Variants in FBXW10B observed in about 807,000 individuals in gnomAD.
The protein encoded by FBXW10B is F-box and WD repeat domain containing 10B.
At chr17:15,589,148 G>C in the FBXW10B span, 7 of 1,612,022 alleles carry the variant, frequency 4.3e-6, no homozygotes, top group Non-Finnish European at 5.9e-6. Flanking sequence ...TTTCCTCCCT[G>C]AGCTGTAGCA....
the FBXW10B span, among the ~76,000 whole-genome samples, chr17:15,612,111 T>C: frequency 3.9e-5 from 6 of 152,074 alleles, no homozygotes; most frequent in African/African-American, 7.2e-5. Context: ...CCTGGTGCCA[T>C]GGACACAAAA....
the FBXW10B span, chr17:15,614,006 C>T: frequency 1.2e-6 from 2 of 1,608,648 alleles, no homozygotes; most frequent in Non-Finnish European, 1.7e-6. Context: ...TTCGGATATA[C>T]ACCGGAGTGA....
the FBXW10B span, among the ~76,000 whole-genome samples, chr17:15,584,182 A>T: frequency 6.6e-6 from 1 of 152,216 alleles, no homozygotes; most frequent in African/African-American, 2.4e-5. Flanking sequence ...TTTGATTTTT[A>T]AAAATGGAAA....
At chr17:15,595,171 C>T in the FBXW10B span, among the ~76,000 whole-genome samples, 2 of 152,134 alleles carry the variant, frequency 1.3e-5, no homozygotes, top group East Asian at 1.9e-4. Flanking sequence ...GACACCCTGT[C>T]TCTACTAAAA....
the FBXW10B span, among the ~76,000 whole-genome samples, chr17:15,603,843 C>T: frequency 2.3e-3 from 339 of 148,492 alleles, 7 homozygotes; most frequent in African/African-American, 6.4e-3. Context: ...GAGGCCGAGG[C>T]GGGTGGATCA....
At chr17:15,599,524 T>C in the FBXW10B span, among the ~76,000 whole-genome samples, 1 of 143,036 alleles carries the variant, frequency 7.0e-6, no homozygotes, top group Non-Finnish European at 1.5e-5. Flanking sequence ...AGGTGGTTTT[T>C]AGATAGAAGC....
At chr17:15,607,862 G>A in the FBXW10B span, among the ~76,000 whole-genome samples, 1 of 141,274 alleles carries the variant, frequency 7.1e-6, no homozygotes, top group African/African-American at 2.6e-5. Context: ...GAAACCATGA[G>A]TTAGAAAATG....
chr17:15,614,334 G>A, the FBXW10B span, among the ~76,000 whole-genome samples: 1 of 151,212 alleles, frequency 6.6e-6, no homozygotes, highest in East Asian at 1.9e-4. Flanking sequence ...GACTACAGGC[G>A]CCCGCCACCA....
At chr17:15,598,520 C>T in the FBXW10B span, 7 of 1,613,636 alleles carry the variant, frequency 4.3e-6, no homozygotes, top group Admixed American at 1.7e-5. Context: ...ATTTAAGGCA[C>T]TTCTTTCTCA....
At chr17:15,588,093 T>G in the FBXW10B span, among the ~76,000 whole-genome samples, 1 of 152,250 alleles carries the variant, frequency 6.6e-6, no homozygotes, top group African/African-American at 2.4e-5. Context: ...AGAAACAGGC[T>G]TATAATAATC....
the FBXW10B span, among the ~76,000 whole-genome samples, chr17:15,596,303 A>G: frequency 6.6e-6 from 1 of 152,060 alleles, no homozygotes. Flanking sequence ...CAACCCCATG[A>G]TACTGTGGGT....
At chr17:15,602,514 C>G in the FBXW10B span, among the ~76,000 whole-genome samples, 1 of 149,316 alleles carries the variant, frequency 6.7e-6, no homozygotes, top group Non-Finnish European at 1.5e-5. Context: ...TAGAAAATAT[C>G]TCTGTGACCT....
chr17:15,599,173 CAAAA>C, the FBXW10B span, among the ~76,000 whole-genome samples: 2 of 69,224 alleles, frequency 2.9e-5, no homozygotes, highest in Non-Finnish European at 2.9e-5. Flanking sequence ...GACTCTGTCT[CAAAA>C]AAAAAAAAAA....
chr17:15,580,562 T>C, the FBXW10B span, among the ~76,000 whole-genome samples: 1 of 91,470 alleles, frequency 1.1e-5, no homozygotes, highest in Non-Finnish European at 2.9e-5. Flanking sequence ...CATGTCTTTA[T>C]AAGTCTGACA....
the FBXW10B span, chr17:15,598,383 G>A: frequency 5.0e-6 from 6 of 1,197,634 alleles, no homozygotes; most frequent in African/African-American, 1.2e-4. Context: ...ATGGAAGGAA[G>A]GAAGGATGGG....
At chr17:15,567,588 G>A in the FBXW10B span, among the ~76,000 whole-genome samples, 1 of 152,106 alleles carries the variant, frequency 6.6e-6, no homozygotes, top group Admixed American at 6.5e-5. Context: ...CCCCATTTTG[G>A]GAGGCTGGGG....
At chr17:15,573,965 G>A in the FBXW10B span, 2 of 549,194 alleles carry the variant, frequency 3.6e-6, no homozygotes, top group Non-Finnish European at 6.4e-6. Context: ...AGAATACAGA[G>A]GACAGTACTT....
the FBXW10B span, chr17:15,614,083 C>G: frequency 3.3e-6 from 5 of 1,529,856 alleles, no homozygotes; most frequent in East Asian, 1.2e-4. Context: ...TCTGTAGAAA[C>G]TCCAGGCCGA....
At chr17:15,567,225 T>C in the FBXW10B span, among the ~76,000 whole-genome samples, 67,534 of 148,374 alleles carry the variant, frequency 0.46, 17,162 homozygotes, top group Non-Finnish European at 0.58. Flanking sequence ...TGAGCCGAGA[T>C]CACGCCACTG....
Sources: gnomAD v4.1 joint callset for allele counts (sites outside exome capture counted in the v4.1 genomes callset) on GRCh38, gnomAD v4.1.1 for gene constraint, MANE v1.5 for transcripts, NCBI Gene and HGNC (gene_info 2026-07-23, HGNC 2026-07-21) for gene names.